CFAP54: variants seen among roughly 807,000 people sequenced by gnomAD.
CFAP54 encodes cilia- and flagella-associated protein 54.
Under a neutral mutation model 370.4 loss-of-function variants are expected in CFAP54, and 290 were observed. That is an observed-to-expected ratio of 0.78 (90% CI 0.71 to 0.86). The LOEUF (loss-of-function observed/expected upper bound fraction) is 0.86, where lower values mean the gene tolerates loss of function less well. Among genes scored for constraint, CFAP54 ranks in the 40% least tolerant of loss-of-function variants. The probability of loss-of-function intolerance (pLI) is 0.00; values close to 1 mark genes in which losing one functional copy is unlikely to be tolerated. For synonymous variants in CFAP54, 1,206 were observed against 1,236.5 expected (o/e 0.98, Z 0.52); for missense variants, 3,399 against 3,528.7 (o/e 0.96, Z 0.93).
chr12:96,583,574 A>G (rs935910652), intron 22 of CFAP54, among the ~76,000 whole-genome samples: 1 of 152,226 alleles, frequency 6.6e-6, no homozygotes, highest in African/African-American at 2.4e-5. Context: ...ACTTATTATA[A>G]TAACTCCATG....
At chr12:96,515,946 C>T (rs547443731) in intron 5 of CFAP54, among the ~76,000 whole-genome samples, 52 of 127,838 alleles carry the variant, frequency 4.1e-4, no homozygotes, top group Non-Finnish European at 2.2e-4. Context: ...TATGGAGTCT[C>T]GCTCTGTCGC....
intron 63 of CFAP54, 53 bp downstream of exon 63, chr12:96,792,552 T>A: frequency 1.5e-6 from 2 of 1,354,786 alleles, no homozygotes; most frequent in Non-Finnish European, 2.0e-6. Flanking sequence ...AAAGCTTAAC[T>A]AAACCATTAT....
intron 63 of CFAP54, among the ~76,000 whole-genome samples, chr12:96,804,211 G>C (rs1156719868): frequency 6.6e-6 from 1 of 151,996 alleles, no homozygotes; most frequent in Non-Finnish European, 1.5e-5. Context: ...AATGAACAAA[G>C]CCTCTGAAAG....
At chr12:96,527,127 G>A (rs1955391357) in intron 8 of CFAP54, 119 bp from the exon 9 acceptor site, 2 of 865,748 alleles carry the variant, frequency 2.3e-6, no homozygotes, top group Non-Finnish European at 3.3e-6. Context: ...GAACTCCTTG[G>A]GTCAAGCAAT....
chr12:96,709,392 C>T (rs1957584634), intron 48 of CFAP54, among the ~76,000 whole-genome samples: 1 of 152,134 alleles, frequency 6.6e-6, no homozygotes, highest in Admixed American at 6.5e-5. Context: ...TTATGGGCCA[C>T]AGGGAAATTT....
intron 19 of CFAP54, among the ~76,000 whole-genome samples, chr12:96,575,300 A>G (rs534202792): frequency 1.3e-5 from 2 of 152,256 alleles, no homozygotes; most frequent in South Asian, 2.1e-4. Flanking sequence ...TATCAGATAC[A>G]TGATTTGAAA....
intron 48 of CFAP54, among the ~76,000 whole-genome samples, chr12:96,710,597 C>T (rs1592719903): frequency 6.6e-6 from 1 of 151,900 alleles, no homozygotes; most frequent in East Asian, 1.9e-4. Flanking sequence ...GAGTCTTTTA[C>T]CATCTCTAGG....
At chr12:96,638,184 C>CATATATATATATAT (rs61605059) in intron 32 of CFAP54, among the ~76,000 whole-genome samples, 4 of 137,570 alleles carry the variant, frequency 2.9e-5, no homozygotes, top group African/African-American at 8.2e-5. Flanking sequence ...TTAGCTGCAT[C>CATATATATATATAT]ATATATATAT....
At chr12:96,631,651 CATA>C (rs1456291682) in intron 32 of CFAP54, among the ~76,000 whole-genome samples, 13 of 149,384 alleles carry the variant, frequency 8.7e-5, no homozygotes, top group Admixed American at 2.7e-4. Context: ...TTTCTGTGTG[CATA>C]ATACTACACA....
At chr12:96,561,372 G>T (rs1021475948) in intron 17 of CFAP54, among the ~76,000 whole-genome samples, 2 of 152,108 alleles carry the variant, frequency 1.3e-5, no homozygotes, top group African/African-American at 4.8e-5. Flanking sequence ...TGCCATGATT[G>T]TGAGGCTTCA....
chr12:96,850,973 G>T (rs758472164), intron 66 of CFAP54, among the ~76,000 whole-genome samples: 13 of 152,182 alleles, frequency 8.5e-5, no homozygotes, highest in Non-Finnish European at 1.2e-4. Flanking sequence ...TTTGGGTGGG[G>T]ACACAGAGCC....
At chr12:96,752,476 A>G (rs1322710031) in intron 55 of CFAP54, among the ~76,000 whole-genome samples, 1 of 152,154 alleles carries the variant, frequency 6.6e-6, no homozygotes, top group African/African-American at 2.4e-5. Context: ...AGAATTCAGT[A>G]TCTGTATCAG....
At chr12:96,784,973 T>TA (rs1958615011) in intron 61 of CFAP54, 83 bp downstream of exon 61, 1 of 1,125,556 alleles carries the variant, frequency 8.9e-7, no homozygotes, top group Non-Finnish European at 1.2e-6. Flanking sequence ...AATTATAAGA[T>TA]ACTTTTGACA....
At chr12:96,556,665 A>G (rs143662293) in intron 17 of CFAP54, among the ~76,000 whole-genome samples, 1,664 of 152,300 alleles carry the variant, frequency 0.011, 21 homozygotes, top group Non-Finnish European at 0.016. Flanking sequence ...ATGCCCATCA[A>G]TGGTAGACTG....
At chr12:96,836,680 TTC>T (rs1959187191) in intron 66 of CFAP54, among the ~76,000 whole-genome samples, 1 of 152,224 alleles carries the variant, frequency 6.6e-6, no homozygotes. Context: ...GCAATATGTT[TTC>T]TTTTTGAATT....
chr12:96,792,827 C>T (rs1958716969), intron 63 of CFAP54, among the ~76,000 whole-genome samples: 1 of 151,588 alleles, frequency 6.6e-6, no homozygotes, highest in Non-Finnish European at 1.5e-5. Flanking sequence ...GAATATTTAC[C>T]ATGAATATTT....
At chr12:96,672,149 A>G (rs1266994334) in intron 39 of CFAP54, among the ~76,000 whole-genome samples, 1 of 152,158 alleles carries the variant, frequency 6.6e-6, no homozygotes, top group East Asian at 1.9e-4. Context: ...GGATATTTAC[A>G]TATTAACTAG....
intron 3 of CFAP54, among the ~76,000 whole-genome samples, chr12:96,504,971 C>A (rs1212332069): frequency 1.3e-5 from 2 of 149,338 alleles, no homozygotes; most frequent in Non-Finnish European, 3.0e-5. Context: ...TTCTTTCTTT[C>A]TTTCCCTTTC....
intron 15 of CFAP54, among the ~76,000 whole-genome samples, chr12:96,552,629 C>T (rs557673397): frequency 9.2e-5 from 14 of 152,248 alleles, no homozygotes; most frequent in Admixed American, 4.6e-4. Flanking sequence ...CAGGCGTGAG[C>T]CACCACGCCT....
Sources: allele counts gnomAD v4.1 joint callset (sites outside exome capture counted in the v4.1 genomes callset), GRCh38; gene constraint gnomAD v4.1.1; transcripts MANE v1.5; gene names NCBI Gene and HGNC (gene_info 2026-07-23, HGNC 2026-07-21).